The following KMT2D variants were observed in gnomAD, a reference collection of about 807,000 sequenced individuals.
KMT2D encodes the protein histone-lysine N-methyltransferase 2D.
In KMT2D, 55 loss-of-function variants were observed where a neutral mutation model predicts 512.7. That is an observed-to-expected ratio of 0.11 (90% CI 0.09 to 0.13). The LOEUF is 0.13. KMT2D is among the 10% of genes least tolerant of loss of function. The pLI is 1.00. For missense variants in KMT2D, 6,061 were observed against 7,127.9 expected, an observed-to-expected ratio of 0.85 and a Z score of 5.39; for synonymous variants, 2,995 against 2,904.0, an observed-to-expected ratio of 1.03 and a Z score of -1.01.
intron 1 of KMT2D, among the ~76,000 whole-genome samples, chr12:49,056,878 C>T (rs1938441079): frequency 6.6e-6 from 1 of 152,334 alleles, no homozygotes; most frequent in South Asian, 2.1e-4. Context: ...CTGCCCTGAA[C>T]TCACCCTTTA....
Position 49,041,420 on chromosome 12 carries a change from GGC to G in KMT2D, c.6348_6349del (p.Pro2118ArgfsTer36), listed in dbSNP as rs1943523667. 1.9e-6 allele frequency: 3 copies of G among 1,606,078 alleles called. No homozygotes were observed. In the South Asian group the frequency reaches 3.3e-5, roughly 18 times the overall value. On this transcript the variant is annotated frameshift_variant, in exon 32 of 55. Transcript: ENST00000301067. LOFTEE classifies it high-confidence loss of function. The surrounding 1 kb of genome is among the most constrained non-coding windows in gnomAD (Gnocchi z 5.4). ...GAAAATGGTGGGGGCAGCAGCGGGG[GGC>G]GGGCTGCCCAGTGCCCCTGGCTGCG...
In KMT2D at chr12:49,039,057, C is replaced by A. The variant is rs964549667; in HGVS notation, c.8367-68G>T. The A allele has an allele frequency of 5.9e-5, 90 of 1,521,186 alleles. No homozygotes were observed. Among genetic ancestry groups the A allele is most frequent in the Non-Finnish European group, 7.7e-5 (86 of 1,113,150 alleles). 94.2% of individuals were successfully genotyped at this position (1,521,186 alleles called of 1,614,324 possible). ...AAGGAGCAAGAACATGGGCTTAGGGCAGTGAGGAAGGATAGAATTAATGCA... is the reference window on the plus strand; with the variant it reads ...AAGGAGCAAGAACATGGGCTTAGGGAAGTGAGGAAGGATAGAATTAATGCA... On this transcript the variant is annotated intron_variant, in intron 34 of 54. Transcript: ENST00000301067. The surrounding 1 kb of genome is among the most constrained non-coding windows in gnomAD (Gnocchi z 5.0).
chr12:49,054,476 C>T lies in KMT2D; in HGVS notation c.400+52G>A, dbSNP rs2120709836. 1 of 1,574,610 alleles carries T rather than the reference C, an allele frequency of 6.4e-7. No homozygotes were observed. ...GAATTAACAAAAAGAGGATTGCTGG[C>T]TCAGGACTACCCAGCCCTTATCCCA... On this transcript the variant is annotated intron_variant, in intron 4 of 54. Transcript: ENST00000301067. This position sits in a 1 kb window ranked among gnomAD's most constrained non-coding sequence, Gnocchi z 6.4.
rs746355138 is a variant in KMT2D at position 49,040,991 on chromosome 12, C to G, written c.6779G>C (p.Ser2260Thr). The change falls in exon 32 of 55, where the codon AGC (serine) becomes ACC (threonine). Residue 2260 changes from serine (S) to threonine (T), a missense_variant. Ser to Thr is a moderately conservative substitution (Grantham distance 58). Coordinates refer to ENST00000301067, the MANE Select transcript of KMT2D (RefSeq NM_003482.4). Reference sequence around the variant, plus strand: ...AGCTTTGCCTCCCCCTACCCCAGGGCTCTCAGGCACAGCCAAGTTATCCAG... The same window carrying G: ...AGCTTTGCCTCCCCCTACCCCAGGGGTCTCAGGCACAGCCAAGTTATCCAG... ...PSLDNLAVPE[S>T]PGVGGGKASE... The G allele has an allele frequency of 2.5e-6, 4 of 1,600,844 alleles. No individual in the cohort carries two copies. Among genetic ancestry groups the G allele is most frequent in the Non-Finnish European group, 3.4e-6 (4 of 1,172,820 alleles).
At chr12:49,036,948 TTCTC>T (rs1329230601) in intron 35 of KMT2D, among the ~76,000 whole-genome samples, 173 bp downstream of exon 35, 1 of 152,250 alleles carries the variant, frequency 6.6e-6, no homozygotes, top group Non-Finnish European at 1.5e-5. Flanking sequence ...CCAGGAACTG[TTCTC>T]TCTCTTCTTA....
In KMT2D at chr12:49,053,569, T is replaced by C; in HGVS notation, c.746A>G (p.His249Arg). The change falls in exon 7 of 55, where the codon CAT becomes CGT. Residue 249 changes from histidine to arginine, a missense_variant. By Grantham distance (29) the His-to-Arg change is conservative. Transcript: ENST00000301067. Reference protein sequence around the residue: ...CDLFFCTSCGHHYHGACLDTA... With the variant: ...CDLFFCTSCGRHYHGACLDTA... ...GTCCAGGCAGGCCCCGTGATAGTGA[T>C]GCCCACAGCTGGTACAGAAGAACAG... 1 of 1,600,028 alleles carries C rather than the reference T, an allele frequency of 6.2e-7. No individual in the cohort carries two copies. Among genetic ancestry groups the C allele is most frequent in the Non-Finnish European group, 8.5e-7 (1 of 1,173,404 alleles).
At position 49,042,714 on chromosome 12, in the gene KMT2D, T is replaced by C. The variant is rs371892108; in HGVS notation, c.5782+27A>G. On this transcript the variant is annotated intron_variant, in intron 27 of 54. Coordinates refer to ENST00000301067, the MANE Select transcript of KMT2D (RefSeq NM_003482.4). The surrounding 1 kb of genome is among the most constrained non-coding windows in gnomAD (Gnocchi z 4.4). ...CTGGAGGCAAGCTTGGTTATGTCAG[T>C]CTTCAGACCACTCCCACCTGTATTA... The C allele has an allele frequency of 8.7e-6, 14 of 1,609,240 alleles. No homozygotes were observed. The African/African-American group carries it at 1.9e-4, about 22-fold the overall frequency.
Position 49,046,310 on chromosome 12 carries a change from A to G in KMT2D, c.4533T>C (p.His1511=), listed in dbSNP as rs547949952. The G allele has an allele frequency of 2.5e-6, 4 of 1,614,026 alleles. No individual in the cohort carries two copies. The highest frequency in any genetic ancestry group is 1.7e-5 in the Admixed American group (1 of 60,024). Residue 1511 remains histidine (H), a synonymous_variant, in exon 17 of 55, where the codon CAT becomes CAC. Transcript: ENST00000301067. This position sits in a 1 kb window ranked among gnomAD's most constrained non-coding sequence, Gnocchi z 4.2. ...CASLVTCPIC[H]APYVEEDLLI... ...GTAGGTCCTCTTCTACGTAAGGAGC[A>G]TGACAGATAGGGCAGGTCACCAGGC... is the stretch of plus-strand genomic sequence containing the variant.
rs376913908 is a variant in KMT2D, at chr12:49,041,229, G to C, written c.6541C>G (p.Pro2181Ala). 18 of 1,513,656 alleles carry C rather than the reference G, an allele frequency of 1.2e-5. No homozygotes were observed. The highest frequency in any genetic ancestry group is 1.6e-5 in the Non-Finnish European group (18 of 1,134,614). The allele number at this position is 1,513,656 out of a possible 1,614,324, so 93.8% of individuals were successfully genotyped here. Residue 2181 changes from proline (P) to alanine (A), a missense_variant, in exon 32 of 55, where the codon CCT (proline) becomes GCT (alanine). This residue lies in a region of KMT2D where 710 missense variants were observed against 647.3 expected (regional missense o/e 1.10). Transcript: ENST00000301067. The surrounding 1 kb of genome is among the most constrained non-coding windows in gnomAD (Gnocchi z 5.4). ...AAGCGGGGCTCCAGGGGATAGGCAG[G>C]GGCCAGTCCAAAGGGGTCCTGCGAA... is the stretch of plus-strand genomic sequence containing the variant. ...VPSQDPFGLA[P>A]AYPLEPRFPT...
rs1481057606 is a variant in KMT2D at position 49,044,972 on chromosome 12, A to G, written c.4742-7T>C. 1 of 1,609,816 alleles carries G rather than the reference A, an allele frequency of 6.2e-7. No homozygotes were observed. Among genetic ancestry groups the G allele is most frequent in the African/African-American group, 1.3e-5 (1 of 74,864 alleles). ...AAGCGAAAGTACTGGGGCTCTGCATAAGAGGAAAGAGTATGTGATCCCTGG... is the reference window on the plus strand; with the variant it reads ...AAGCGAAAGTACTGGGGCTCTGCATGAGAGGAAAGAGTATGTGATCCCTGG... On this transcript the variant is annotated splice_region_variant and splice_polypyrimidine_tract_variant and intron_variant, in intron 19 of 54. Coordinates refer to ENST00000301067, the MANE Select transcript of KMT2D (RefSeq NM_003482.4). The surrounding 1 kb of genome is among the most constrained non-coding windows in gnomAD (Gnocchi z 6.4).
rs2137710833 is a variant in KMT2D at position 49,024,721 on chromosome 12, T to C, written c.15922-13A>G. Reference sequence around the variant, plus strand: ...CCACCCCGGGCAGCTGTGGGCACAGTTCATACTCACCTTAGCCTGAGTTTT... The same window carrying C: ...CCACCCCGGGCAGCTGTGGGCACAGCTCATACTCACCTTAGCCTGAGTTTT... On this transcript the variant is annotated splice_polypyrimidine_tract_variant and intron_variant, in intron 50 of 54. Coordinates refer to ENST00000301067, the MANE Select transcript of KMT2D (RefSeq NM_003482.4). The surrounding 1 kb of genome is among the most constrained non-coding windows in gnomAD (Gnocchi z 4.5). The C allele has an allele frequency of 6.2e-7, 1 of 1,612,804 alleles. No individual in the cohort carries two copies. The highest frequency in any genetic ancestry group is 8.5e-7 in the Non-Finnish European group (1 of 1,179,164).
At position 49,050,953 on chromosome 12, in the gene KMT2D, A is replaced by G. The variant is rs1039206883; in HGVS notation, c.2730T>C (p.Pro910=). The G allele has an allele frequency of 5.8e-6, 9 of 1,546,362 alleles. No individual in the cohort carries two copies. The highest frequency in any genetic ancestry group is 7.8e-6 in the Non-Finnish European group (9 of 1,147,376). The change falls in exon 11 of 55, where the codon CCT becomes CCC. Residue 910 remains proline, a synonymous_variant. Coordinates refer to ENST00000301067, the MANE Select transcript of KMT2D (RefSeq NM_003482.4). ...LSEPGEPPLS[P]LPEELPLSPS... is the part of the protein sequence containing the mutation. ...GGGACAACGGCAGCTCCTCGGGCAG[A>G]GGGGACAGAGGTGGTTCCCCAGGCT... is the stretch of plus-strand genomic sequence containing the variant.
intron 8 of KMT2D, 26 bp from the exon 9 acceptor site, chr12:49,053,098 G>A (rs760311292): frequency 1.2e-6 from 2 of 1,613,860 alleles, no homozygotes; most frequent in Non-Finnish European, 1.7e-6. Flanking sequence ...GGGCAAAACA[G>A]GCATTGGTCA....
Position 49,032,106 on chromosome 12 carries a change from T to G in KMT2D, c.12599A>C (p.Gln4200Pro). 6.2e-7 allele frequency: 1 copy of G among 1,613,854 alleles called. No individual in the cohort carries two copies. Among genetic ancestry groups the G allele is most frequent in the Non-Finnish European group, 8.5e-7 (1 of 1,179,832 alleles). The change falls in exon 40 of 55, where the codon CAG becomes CCG. Residue 4200 changes from glutamine to proline, a missense_variant. Coordinates refer to ENST00000301067, the MANE Select transcript of KMT2D (RefSeq NM_003482.4). ...IMPTVGQLRA[Q>P]LQGVLAKNPQ... ...GTTTTTGGCCAGGACTCCTTGGAGCTGTGCTCGAAGCTGACCCACCGTAGG... is the reference window on the plus strand; with the variant it reads ...GTTTTTGGCCAGGACTCCTTGGAGCGGTGCTCGAAGCTGACCCACCGTAGG...
chr12:49,056,265 T>A (rs1938403086), intron 1 of KMT2D, among the ~76,000 whole-genome samples: 1 of 152,184 alleles, frequency 6.6e-6, no homozygotes, highest in Non-Finnish European at 1.5e-5. Flanking sequence ...GCTTCCTTCC[T>A]CTTCCCTCAA....
rs1396684141 is a variant in KMT2D at position 49,032,218 on chromosome 12, G to A, written c.12487C>T (p.Pro4163Ser). The change falls in exon 40 of 55, where the codon CCC becomes TCC. Residue 4163 changes from proline to serine, a missense_variant. Pro to Ser is a moderately conservative substitution (Grantham distance 74, BLOSUM62 -1). This residue lies in a region of KMT2D where 1,600 missense variants were observed against 1,754.9 expected (regional missense o/e 0.91). Coordinates refer to ENST00000301067, the MANE Select transcript of KMT2D (RefSeq NM_003482.4). ...LGPQQPMLER[P>S]MQNNTGPQPP... The stretch of plus-strand genomic sequence containing the variant: ...TGTGGCCCTGTATTATTTTGCATGG[G>A]CCGCTCTAGCATGGGCTGTTGGGGG... The A allele has an allele frequency of 2.5e-6, 4 of 1,613,248 alleles. No homozygotes were observed. Among genetic ancestry groups the A allele is most frequent in the African/African-American group, 2.7e-5 (2 of 74,920 alleles).
At position 49,052,300 on chromosome 12, in the gene KMT2D, T is replaced by G. The variant is rs760613197; in HGVS notation, c.1383A>C (p.Pro461=). ...GTGGTGACAGGCGTGATGCCTCAGG[T>G]GGTGGGGACGTGGGTGATTCCTCAG... ...PPPEESPTSP[P]PEASRLSPPP... Residue 461 remains proline, a synonymous_variant, in exon 11 of 55, where the codon CCA becomes CCC. Coordinates refer to ENST00000301067, the MANE Select transcript of KMT2D (RefSeq NM_003482.4). The G allele has an allele frequency of 6.3e-7, 1 of 1,592,502 alleles. No individual in the cohort carries two copies. The highest frequency in any genetic ancestry group is 8.6e-7 in the Non-Finnish European group (1 of 1,167,926).
rs1314343736 is a variant in KMT2D, at chr12:49,022,616, G to C, written c.16312C>G (p.Arg5438Gly). The C allele has an allele frequency of 6.2e-7, 1 of 1,613,762 alleles. No individual in the cohort carries two copies. The highest frequency in any genetic ancestry group is 8.5e-7 in the Non-Finnish European group (1 of 1,179,730). Residue 5438 changes from arginine (R) to glycine (G), a missense_variant, in exon 52 of 55, where the codon CGG becomes GGG. This residue lies in a region of KMT2D where 44 missense variants were observed against 194.7 expected (regional missense o/e 0.23). Transcript: ENST00000301067. The surrounding 1 kb of genome is among the most constrained non-coding windows in gnomAD (Gnocchi z 8.6). ...GTIIRNEVAN[R>G]REKIYEEQNR... Reference sequence around the variant, plus strand: ...TGCTCTTCGTAGATTTTCTCCCGCCGGTTGGCCACCTCGTTCCGAATGATG... The same window carrying C: ...TGCTCTTCGTAGATTTTCTCCCGCCCGTTGGCCACCTCGTTCCGAATGATG...
chr12:49,043,290 T>C, intron 25 of KMT2D, 73 bp downstream of exon 25: 1 of 1,560,562 alleles, frequency 6.4e-7, no homozygotes, highest in East Asian at 2.2e-5. Flanking sequence ...ACACTGACAA[T>C]GCTCAGGGGC....
Sources: allele counts gnomAD v4.1 joint callset (sites outside exome capture counted in the v4.1 genomes callset), GRCh38; gene constraint gnomAD v4.1.1; regional missense constraint gnomAD v4.1.1; non-coding constraint Gnocchi (gnomAD v3.1); transcripts MANE v1.5; gene names NCBI Gene and HGNC (gene_info 2026-07-23, HGNC 2026-07-21).